Variants in ADCY2 observed in about 807,000 individuals in gnomAD.
ADCY2 encodes the protein adenylate cyclase type 2.
Under a neutral mutation model 125.2 loss-of-function variants are expected in ADCY2, and 31 were observed. The ratio of observed to expected loss-of-function variants is 0.25; its 90% confidence interval spans 0.19 to 0.33. The LOEUF is 0.33. ADCY2 is among the 10% of genes least tolerant of loss of function. The pLI is 1.00. For missense variants in ADCY2, 904 were observed against 1,418.2 expected, an observed-to-expected ratio of 0.64 and a Z score of 5.82; for synonymous variants, 512 against 548.4, an observed-to-expected ratio of 0.93 and a Z score of 0.93.
At position 7,717,159 on chromosome 5, in the gene ADCY2, C is replaced by T; in HGVS notation, c.1625C>T (p.Thr542Ile). The T allele has an allele frequency of 2.5e-6, 4 of 1,602,376 alleles. No homozygotes were observed. Among genetic ancestry groups the T allele is most frequent in the Non-Finnish European group, 3.4e-6 (4 of 1,171,790 alleles). Residue 542 changes from threonine to isoleucine, a missense_variant and splice_region_variant, in exon 12 of 25, where the codon ACC (threonine) becomes ATC (isoleucine). By Grantham distance (89) the Thr-to-Ile change is moderately conservative (BLOSUM62 -1). Coordinates refer to ENST00000338316, the MANE Select transcript of ADCY2 (RefSeq NM_020546.3). ...ATAATATTCCATTTTTCATATAGAA[C>T]CAAGTCACAAAAGAAGAGATTTGAA... ...QHNFQNRTLRTKSQKKRFEEE... is the reference protein window; with the variant it reads ...QHNFQNRTLRIKSQKKRFEEE...
intron 3 of ADCY2, among the ~76,000 whole-genome samples, chr5:7,619,803 A>G (rs560125830): frequency 2.0e-5 from 3 of 152,316 alleles, no homozygotes; most frequent in Admixed American, 2.0e-4. Context: ...AGCCCTGAGT[A>G]TTGGAAACTC....
chr5:7,697,429 C>T (rs1740930684), intron 6 of ADCY2, among the ~76,000 whole-genome samples: 1 of 152,102 alleles, frequency 6.6e-6, no homozygotes, highest in South Asian at 2.1e-4. Flanking sequence ...CAAACAGATA[C>T]CCCAGTGCAC....
At chr5:7,655,640 C>G (rs1282062371) in intron 4 of ADCY2, among the ~76,000 whole-genome samples, 1 of 152,224 alleles carries the variant, frequency 6.6e-6, no homozygotes, top group Non-Finnish European at 1.5e-5. Context: ...AATTGCCAGT[C>G]TCATCTGCAG....
intron 1 of ADCY2, among the ~76,000 whole-genome samples, chr5:7,399,034 G>C (rs1468445515): frequency 6.6e-6 from 1 of 152,224 alleles, no homozygotes; most frequent in Non-Finnish European, 1.5e-5. Flanking sequence ...GCTTCAGAGA[G>C]GTCTACCTTG....
chr5:7,396,574 G>T lies in ADCY2; in HGVS notation c.210+68G>T. ...CCCTGAGAGGAGCCCGGCCAGCCGA[G>T]CCGCGTCCCGCTCCGGGCTGCCCCT... On this transcript the variant is annotated intron_variant, in intron 1 of 24. Coordinates refer to ENST00000338316, the MANE Select transcript of ADCY2 (RefSeq NM_020546.3). This position sits in a 1 kb window ranked among gnomAD's most constrained non-coding sequence, Gnocchi z 5.7. 5 of 1,371,582 alleles carry T rather than the reference G, an allele frequency of 3.6e-6. No individual in the cohort carries two copies. The highest frequency in any genetic ancestry group is 1.4e-5 in the South Asian group (1 of 71,534). 85.0% of individuals were successfully genotyped at this position (1,371,582 alleles called of 1,614,324 possible). A position where few individuals can be genotyped will look rare whatever the true frequency, so the allele number is the denominator to read the frequency against.
intron 3 of ADCY2, among the ~76,000 whole-genome samples, chr5:7,531,791 T>C (rs1417952270): frequency 6.6e-6 from 1 of 152,220 alleles, no homozygotes; most frequent in African/African-American, 2.4e-5. Context: ...GCAGCATACT[T>C]AATTATTTCT....
At position 7,802,655 on chromosome 5, in the gene ADCY2, G is replaced by A. The variant is rs566059511; in HGVS notation, c.2775+291G>A. ...ATTCTTTACAAAGGCTTGAATTCGC[G>A]GTAAAATACTTGCCCATCCCTTTCT... On this transcript the variant is annotated intron_variant, in intron 21 of 24. Transcript: ENST00000338316. This position sits in a 1 kb window ranked among gnomAD's most constrained non-coding sequence, Gnocchi z 4.6. Among the ~76,000 whole-genome samples the A allele has an allele frequency of 5.3e-5, 8 of 152,192 alleles. No homozygotes were observed. The highest frequency in any genetic ancestry group is 1.9e-4 in the East Asian group (1 of 5,188).
At chr5:7,606,952 G>A (rs573020927) in intron 3 of ADCY2, among the ~76,000 whole-genome samples, 24 of 152,138 alleles carry the variant, frequency 1.6e-4, no homozygotes, top group African/African-American at 5.3e-4. Context: ...CCTGTTCTTA[G>A]TTCACCTGTT....
rs189294038 is a variant in ADCY2 at position 7,660,957 on chromosome 5, A to G, written c.721-29734A>G. 2.2e-3 allele frequency among the ~76,000 whole-genome samples: 338 copies of G among 152,330 alleles called. 2 individuals are homozygous for G. The highest frequency in any genetic ancestry group is 0.01 in the Middle Eastern group (3 of 294). ...GTACATGCTGCTGGAGGCAGAATCCAGTGTCCCAACACCAAGCAATGTAGA... is the reference window on the plus strand; with the variant it reads ...GTACATGCTGCTGGAGGCAGAATCCGGTGTCCCAACACCAAGCAATGTAGA... On this transcript the variant is annotated intron_variant, in intron 4 of 24. Transcript: ENST00000338316.
chr5:7,745,374 C>A (rs1025683441), intron 15 of ADCY2, among the ~76,000 whole-genome samples: 1 of 152,172 alleles, frequency 6.6e-6, no homozygotes, highest in Non-Finnish European at 1.5e-5. Flanking sequence ...TTAGATGTTT[C>A]AAATTGTATT....
intron 2 of ADCY2, among the ~76,000 whole-genome samples, chr5:7,453,090 G>A (rs1321440596): frequency 1.3e-5 from 2 of 152,080 alleles, no homozygotes; most frequent in Non-Finnish European, 2.9e-5. Flanking sequence ...CTGTGCAGAG[G>A]CTTTTTAGTT....
At chr5:7,632,561 A>G (rs919028633) in intron 4 of ADCY2, among the ~76,000 whole-genome samples, 1 of 152,182 alleles carries the variant, frequency 6.6e-6, no homozygotes, top group Non-Finnish European at 1.5e-5. Context: ...GTGGAAGACT[A>G]CACATACACT....
intron 2 of ADCY2, among the ~76,000 whole-genome samples, chr5:7,482,225 C>A (rs571663123): frequency 6.6e-6 from 1 of 152,200 alleles, no homozygotes; most frequent in Admixed American, 6.5e-5. Context: ...TGTATGTATC[C>A]TTTTGAGAAA....
rs201054028 is a variant in ADCY2 at position 7,634,267 on chromosome 5, G to T, written c.720+7951G>T. Among the ~76,000 whole-genome samples the T allele has an allele frequency of 3.5e-4, 54 of 152,266 alleles. No homozygotes were observed. The South Asian group carries it at 4.6e-3, about 13-fold the overall frequency. On this transcript the variant is annotated intron_variant, in intron 4 of 24. Transcript: ENST00000338316. ...GCACTAGTGATGTGTTTACTGAACC[G>T]AGGTATCCATTTATATCTGTAACAA... is the stretch of plus-strand genomic sequence containing the variant.
chr5:7,825,257 G>A lies in ADCY2; in HGVS notation c.3124-1462G>A, dbSNP rs558769393. 1.9e-3 allele frequency among the ~76,000 whole-genome samples: 293 copies of A among 152,322 alleles called. 2 individuals carry two copies. The highest frequency in any genetic ancestry group is 6.6e-3 in the African/African-American group (275 of 41,570). On this transcript the variant is annotated intron_variant, in intron 24 of 24. Transcript: ENST00000338316. ...CGCTGCTGTGTGACATGACAACGCTGCTGTGTGCCATGACAATGCTGCTGT... is the reference window on the plus strand; with the variant it reads ...CGCTGCTGTGTGACATGACAACGCTACTGTGTGCCATGACAATGCTGCTGT...
intron 2 of ADCY2, among the ~76,000 whole-genome samples, chr5:7,448,123 G>A (rs1044487964): frequency 5.3e-5 from 8 of 152,260 alleles, no homozygotes; most frequent in African/African-American, 1.9e-4. Flanking sequence ...CTGGAACTCT[G>A]GCTTCTTCTA....
chr5:7,493,824 A>T (rs1371221115), intron 2 of ADCY2, among the ~76,000 whole-genome samples: 1 of 152,174 alleles, frequency 6.6e-6, no homozygotes, highest in African/African-American at 2.4e-5. Flanking sequence ...GAAGTCTTCC[A>T]TCTCTAGCAA....
intron 4 of ADCY2, among the ~76,000 whole-genome samples, chr5:7,647,243 C>T (rs1278654215): frequency 2.0e-5 from 3 of 152,202 alleles, no homozygotes; most frequent in African/African-American, 7.2e-5. Flanking sequence ...TGATTTTTAA[C>T]ACTCTGTGCC....
intron 7 of ADCY2, among the ~76,000 whole-genome samples, chr5:7,703,363 A>T (rs1741153917): frequency 6.6e-6 from 1 of 152,216 alleles, no homozygotes; most frequent in Admixed American, 6.5e-5. Context: ...TTCAGGTCTA[A>T]CATTTAAGTC....
Sources: gnomAD v4.1 joint callset for allele counts (sites outside exome capture counted in the v4.1 genomes callset) on GRCh38, gnomAD v4.1.1 for gene constraint, Gnocchi (gnomAD v3.1) non-coding constraint, MANE v1.5 for transcripts, NCBI Gene and HGNC (gene_info 2026-07-23, HGNC 2026-07-21) for gene names.